SPPL3: variants seen among roughly 807,000 people sequenced by gnomAD.
SPPL3 encodes signal peptide peptidase like 3, also known as signal peptide peptidase-like 3.
A neutral mutation model predicts 42.4 loss-of-function variants in SPPL3; 5 were observed. The observed-to-expected ratio is 0.12, with a 90% CI of 0.06 to 0.25. SPPL3 has a LOEUF of 0.25. Among genes scored for constraint, SPPL3 ranks in the 10% least tolerant of loss-of-function variants. The probability of loss-of-function intolerance (pLI) is 1.00; values close to 1 mark genes in which losing one functional copy is unlikely to be tolerated. For synonymous variants in SPPL3, 195 were observed against 181.8 expected (o/e 1.07, Z -0.58); for missense variants, 235 against 489.0 (o/e 0.48, Z 4.90).
chr12:120,841,239 C>T (rs1184260265), intron 1 of SPPL3, among the ~76,000 whole-genome samples: 5 of 151,700 alleles, frequency 3.3e-5, no homozygotes, highest in African/African-American at 7.3e-5. Context: ...GCAGGAGAAT[C>T]GGTTGAACCC....
At chr12:120,823,534 T>G (rs1390428287) in intron 1 of SPPL3, among the ~76,000 whole-genome samples, 2 of 152,192 alleles carry the variant, frequency 1.3e-5, no homozygotes, top group Non-Finnish European at 2.9e-5. Flanking sequence ...CACGACATCC[T>G]ACTGGATTTC....
In SPPL3 at chr12:120,903,911, C is replaced by G. The variant is rs1874070362; in HGVS notation, c.-44G>C. On this transcript the variant is annotated 5_prime_UTR_variant, in exon 1 of 11. Coordinates refer to ENST00000353487, the MANE Select transcript of SPPL3 (RefSeq NM_139015.5). The stretch of plus-strand genomic sequence containing the variant: ...CTCCGCTGCAGGCTGTGGCCGGGCC[C>G]GGCGGCGGCGGGCTCGCTCGGGCCG... 1.5e-6 allele frequency: 2 copies of G among 1,325,650 alleles called. No individual in the cohort carries two copies. The highest frequency in any genetic ancestry group is 1.9e-6 in the Non-Finnish European group (2 of 1,039,022). The allele number at this position is 1,325,650 out of a possible 1,614,324, so 82.1% of individuals were successfully genotyped here. A position where few individuals can be genotyped will look rare whatever the true frequency, so the allele number is the denominator to read the frequency against.
intron 6 of SPPL3, among the ~76,000 whole-genome samples, chr12:120,771,390 G>A (rs551087): frequency 0.8 from 121,312 of 152,152 alleles, 49,042 homozygotes; most frequent in African/African-American, 0.92. Context: ...CTGCCTGAAC[G>A]ATCTCCTCCC....
chr12:120,840,664 T>C (rs1198715599), intron 1 of SPPL3, among the ~76,000 whole-genome samples: 3 of 151,878 alleles, frequency 2.0e-5, no homozygotes, highest in Admixed American at 6.6e-5. Flanking sequence ...AAACCCTATC[T>C]CTACAAAAAA....
chr12:120,791,416 G>C, intron 3 of SPPL3, 53 bp downstream of exon 3: 2 of 1,323,810 alleles, frequency 1.5e-6, no homozygotes, highest in Non-Finnish European at 2.1e-6. Flanking sequence ...TATAGAAACA[G>C]CCAAATTAAG....
At chr12:120,806,626 A>G (rs540105317) in intron 2 of SPPL3, among the ~76,000 whole-genome samples, 1 of 152,128 alleles carries the variant, frequency 6.6e-6, no homozygotes, top group African/African-American at 2.4e-5. Context: ...AGGTGGGTGG[A>G]TCACGAGGTC....
chr12:120,827,325 GAACAAT>G (rs1478664020), intron 1 of SPPL3, among the ~76,000 whole-genome samples: 2 of 17,602 alleles, frequency 1.1e-4, no homozygotes, highest in African/African-American at 2.3e-4. Context: ...ATAATAACAG[GAACAAT>G]AATAATAATA....
intron 1 of SPPL3, among the ~76,000 whole-genome samples, chr12:120,817,766 C>T (rs1054318371): frequency 2.6e-5 from 4 of 152,182 alleles, no homozygotes; most frequent in Admixed American, 2.0e-4. Context: ...GAGCACAGAG[C>T]GGTTTCAAAA....
At chr12:120,790,211 C>T (rs1379965239) in intron 3 of SPPL3, among the ~76,000 whole-genome samples, 4 of 152,132 alleles carry the variant, frequency 2.6e-5, no homozygotes, top group African/African-American at 9.7e-5. Context: ...TACAAGGATC[C>T]ATGTCATAAA....
intron 6 of SPPL3, among the ~76,000 whole-genome samples, chr12:120,774,019 C>T (rs1869217984): frequency 6.6e-6 from 1 of 152,218 alleles, no homozygotes; most frequent in South Asian, 2.1e-4. Flanking sequence ...TCATCTCATG[C>T]TAATCCTCCT....
At chr12:120,840,550 TAA>T in intron 1 of SPPL3, among the ~76,000 whole-genome samples, 1 of 151,982 alleles carries the variant, frequency 6.6e-6, no homozygotes, top group East Asian at 1.9e-4. Flanking sequence ...ATTGCACAAC[TAA>T]AAACCAGAAT....
intron 1 of SPPL3, among the ~76,000 whole-genome samples, chr12:120,858,625 A>G (rs1474264867): frequency 1.3e-5 from 2 of 152,210 alleles, no homozygotes. Flanking sequence ...AATGCCTTAA[A>G]GAAACTAGAA....
intron 1 of SPPL3, among the ~76,000 whole-genome samples, chr12:120,894,551 G>A (rs1873742927): frequency 6.6e-6 from 1 of 152,162 alleles, no homozygotes; most frequent in Admixed American, 6.5e-5. Context: ...AACTTTCTTT[G>A]CTACACCTGC....
At chr12:120,872,336 A>G (rs1223016755) in intron 1 of SPPL3, among the ~76,000 whole-genome samples, 1 of 152,228 alleles carries the variant, frequency 6.6e-6, no homozygotes, top group East Asian at 1.9e-4. Flanking sequence ...TACACATGAA[A>G]TAACAAGTTT....
At chr12:120,771,007 C>T (rs1396764275) in intron 6 of SPPL3, among the ~76,000 whole-genome samples, 5 of 152,014 alleles carry the variant, frequency 3.3e-5, no homozygotes, top group African/African-American at 9.7e-5. Context: ...GTTTTTGACC[C>T]GTCTCTCTTT....
intron 2 of SPPL3, among the ~76,000 whole-genome samples, chr12:120,808,933 T>C (rs1870590596): frequency 6.6e-6 from 1 of 152,198 alleles, no homozygotes; most frequent in Admixed American, 6.5e-5. Flanking sequence ...AAAATACTTG[T>C]CCACAGGGTA....
At chr12:120,774,278 TCTTA>T (rs1461172602) in intron 6 of SPPL3, among the ~76,000 whole-genome samples, 1 of 152,106 alleles carries the variant, frequency 6.6e-6, no homozygotes, top group East Asian at 1.9e-4. Context: ...CCTCCCTCCC[TCTTA>T]CTCTTTCCCA....
chr12:120,829,643 C>A (rs191657625), intron 1 of SPPL3, among the ~76,000 whole-genome samples: 1 of 151,910 alleles, frequency 6.6e-6, no homozygotes, highest in Admixed American at 6.6e-5. Context: ...AGACACTGGT[C>A]AAGAAAATGA....
chr12:120,842,992 G>A (rs1280673934), intron 1 of SPPL3, among the ~76,000 whole-genome samples: 1 of 152,142 alleles, frequency 6.6e-6, no homozygotes, highest in East Asian at 1.9e-4. Flanking sequence ...TATACATTTT[G>A]CACTATTTCT....
Sources: gnomAD v4.1 joint callset for allele counts (sites outside exome capture counted in the v4.1 genomes callset) on GRCh38, gnomAD v4.1.1 for gene constraint, MANE v1.5 for transcripts, NCBI Gene and HGNC (gene_info 2026-07-23, HGNC 2026-07-21) for gene names.